RNLS: variants seen among roughly 807,000 people sequenced by gnomAD.
RNLS encodes renalase.
RNLS carries 39 observed loss-of-function variants against 39.8 expected under a neutral mutation model. The ratio of observed to expected loss-of-function variants is 0.98; its 90% confidence interval spans 0.76 to 1.28. The LOEUF (loss-of-function observed/expected upper bound fraction) is 1.28. Ranked by LOEUF, RNLS falls within the 50% of genes most tolerant of loss-of-function variation. RNLS has a pLI of 0.00. For synonymous variants in RNLS, 147 were observed against 150.7 expected, an observed-to-expected ratio of 0.98 and a Z score of 0.18; for missense variants, 410 against 413.3, an observed-to-expected ratio of 0.99 and a Z score of 0.07.
At chr10:88,215,831 C>A in the RNLS span, among the ~76,000 whole-genome samples, 1 of 151,378 alleles carries the variant, frequency 6.6e-6, no homozygotes, top group Admixed American at 6.6e-5. Context: ...TCCCGAGTAG[C>A]TGGGATTACA....
chr10:88,546,344 A>G (rs1446264349), intron 4 of RNLS, among the ~76,000 whole-genome samples: 5 of 152,018 alleles, frequency 3.3e-5, no homozygotes, highest in Admixed American at 6.6e-5. Flanking sequence ...AACATTTTAT[A>G]TTATTATAAA....
intron 5 of RNLS, among the ~76,000 whole-genome samples, chr10:88,347,910 C>G (rs1848415968): frequency 6.6e-6 from 1 of 152,046 alleles, no homozygotes. Context: ...TATAAATGCT[C>G]CCCAGAAGAA....
the RNLS span, among the ~76,000 whole-genome samples, chr10:88,184,229 C>T: frequency 7.2e-5 from 11 of 152,226 alleles, no homozygotes; most frequent in Admixed American, 1.3e-4. Flanking sequence ...CAAGAGCTAC[C>T]TGTCCTTGAA....
intron 4 of RNLS, among the ~76,000 whole-genome samples, chr10:88,522,530 A>T (rs1302855636): frequency 6.6e-6 from 1 of 152,114 alleles, no homozygotes; most frequent in Non-Finnish European, 1.5e-5. Context: ...GTTATGCTAT[A>T]ATTTTAAAAC....
At chr10:88,497,458 T>C (rs1845232921) in intron 4 of RNLS, among the ~76,000 whole-genome samples, 1 of 151,880 alleles carries the variant, frequency 6.6e-6, no homozygotes, top group Non-Finnish European at 1.5e-5. Context: ...GATAGCTTGA[T>C]GAAGGTGATT....
At chr10:88,260,984 AC>A in the RNLS span, among the ~76,000 whole-genome samples, 1 of 152,222 alleles carries the variant, frequency 6.6e-6, no homozygotes, top group Non-Finnish European at 1.5e-5. Flanking sequence ...AAAACCCAAC[AC>A]ACCCAAAGTA....
At chr10:88,251,448 T>G in the RNLS span, among the ~76,000 whole-genome samples, 7 of 152,248 alleles carry the variant, frequency 4.6e-5, no homozygotes, top group African/African-American at 7.2e-5. Context: ...TATCATTGAT[T>G]AATGCACCCA....
At chr10:88,316,152 A>G (rs1845753376) in intron 5 of RNLS, among the ~76,000 whole-genome samples, 1 of 152,214 alleles carries the variant, frequency 6.6e-6, no homozygotes, top group African/African-American at 2.4e-5. Context: ...ACCTGAATTC[A>G]GAATTTGTGC....
At chr10:88,436,697 A>G (rs898630964) in intron 4 of RNLS, among the ~76,000 whole-genome samples, 4 of 152,174 alleles carry the variant, frequency 2.6e-5, no homozygotes, top group Non-Finnish European at 5.9e-5. Context: ...TTGGGCGTCA[A>G]GTTGGTCTTT....
intron 4 of RNLS, among the ~76,000 whole-genome samples, chr10:88,441,188 T>C (rs1841690512): frequency 6.6e-6 from 1 of 152,224 alleles, no homozygotes; most frequent in Non-Finnish European, 1.5e-5. Flanking sequence ...AACGTGCTTT[T>C]GGGAACCCAT....
chr10:88,481,014 T>C (rs1439819166), intron 4 of RNLS, among the ~76,000 whole-genome samples: 1 of 152,140 alleles, frequency 6.6e-6, no homozygotes, highest in Non-Finnish European at 1.5e-5. Context: ...TATTGCCAGG[T>C]GTGTTTATAT....
intron 4 of RNLS, among the ~76,000 whole-genome samples, chr10:88,454,247 A>T (rs1395508254): frequency 6.6e-6 from 1 of 152,224 alleles, no homozygotes; most frequent in African/African-American, 2.4e-5. Flanking sequence ...ATTGAGTATC[A>T]AATAAAACAA....
rs1425739511 is a variant in RNLS at position 88,291,548 on chromosome 10, C to A, written c.877-6042G>T. The stretch of plus-strand genomic sequence containing the variant: ...GTGGCATTCTTTCCAGGAAGCCCAA[C>A]AGGGCCTCAGCATCCTTCTCTCTTC... On this transcript the variant is annotated intron_variant, in intron 6 of 6. Coordinates refer to ENST00000331772, the MANE Select transcript of RNLS (RefSeq NM_001031709.3). 2.0e-5 allele frequency among the ~76,000 whole-genome samples: 3 copies of A among 152,190 alleles called. No homozygotes were observed. In the South Asian group the frequency reaches 6.2e-4, roughly 32 times the overall value.
the RNLS span, among the ~76,000 whole-genome samples, chr10:88,193,847 GC>G: frequency 0.13 from 20,456 of 152,162 alleles, 1,682 homozygotes; most frequent in Non-Finnish European, 0.19. Context: ...AACAAAATTA[GC>G]TAAAACCAAT....
chr10:88,201,009 A>T, the RNLS span, among the ~76,000 whole-genome samples: 1 of 149,934 alleles, frequency 6.7e-6, no homozygotes, highest in African/African-American at 2.5e-5. Flanking sequence ...TTTTTTTAAC[A>T]ACTAATAGTT....
the RNLS span, among the ~76,000 whole-genome samples, chr10:88,202,153 A>T: frequency 2.0e-5 from 3 of 152,100 alleles, no homozygotes; most frequent in African/African-American, 7.2e-5. Flanking sequence ...TTGTAGGGAC[A>T]TGAATGAAGC....
At chr10:88,235,267 C>CAAAAAAAAA in the RNLS span, among the ~76,000 whole-genome samples, 4 of 61,940 alleles carry the variant, frequency 6.5e-5, no homozygotes, top group Non-Finnish European at 1.1e-4. Context: ...GACTCTATCT[C>CAAAAAAAAA]AAAAAAAAAA....
At chr10:88,185,936 C>A in the RNLS span, among the ~76,000 whole-genome samples, 3 of 152,180 alleles carry the variant, frequency 2.0e-5, no homozygotes, top group African/African-American at 7.2e-5. Context: ...AGCCTTTTCT[C>A]ACCAAGGGTC....
intron 5 of RNLS, among the ~76,000 whole-genome samples, chr10:88,354,294 C>T (rs537411470): frequency 2.2e-4 from 34 of 152,228 alleles, no homozygotes; most frequent in Admixed American, 7.2e-4. Context: ...TTAGTTGATG[C>T]GGTTTCTTCC....
Sources: gnomAD v4.1 joint callset for allele counts (sites outside exome capture counted in the v4.1 genomes callset) on GRCh38, gnomAD v4.1.1 for gene constraint, MANE v1.5 for transcripts, NCBI Gene and HGNC (gene_info 2026-07-23, HGNC 2026-07-21) for gene names.